DST: variants seen among roughly 807,000 people sequenced by gnomAD.
The protein encoded by DST is dystonin.
Under a neutral mutation model 875.2 loss-of-function variants are expected in DST, and 253 were observed. The observed-to-expected ratio is 0.29, with a 90% confidence interval of 0.26 to 0.32. DST has a LOEUF of 0.32. DST is among the 10% of genes least tolerant of loss of function. The probability of loss-of-function intolerance (pLI) is 1.00; values close to 1 mark genes in which losing one functional copy is unlikely to be tolerated. For missense variants in DST, 8,287 were observed against 9,111.6 expected (o/e 0.91, Z 3.68); for synonymous variants, 3,124 against 3,197.1 (o/e 0.98, Z 0.77).
chr6:56,492,191 T>C (rs780952390), intron 85 of DST, 36 bp downstream of exon 85: 1 of 1,568,496 alleles, frequency 6.4e-7, no homozygotes, highest in Non-Finnish European at 8.8e-7. Context: ...AGTGGTTTAT[T>C]GACAAGTTCA....
intron 49 of DST, among the ~76,000 whole-genome samples, chr6:56,588,886 G>C (rs2098215852): frequency 6.6e-6 from 1 of 152,006 alleles, no homozygotes; most frequent in Non-Finnish European, 1.5e-5. Flanking sequence ...CATCAGAGTG[G>C]ATCTGTTTGA....
intron 74 of DST, 134 bp from the exon 75 acceptor site, chr6:56,508,889 C>A (rs1300707180): frequency 3.0e-6 from 2 of 668,750 alleles, no homozygotes; most frequent in East Asian, 5.5e-5. Flanking sequence ...TTTGAATGAC[C>A]CCAGTCCAGT....
rs4568454 is a variant in DST at position 56,823,660 on chromosome 6, C to T, written c.625+27737G>A. Among the ~76,000 whole-genome samples, 2,203 of 152,248 alleles carry T rather than the reference C, an allele frequency of 0.014. 130 individuals are homozygous for T. In the East Asian group the frequency reaches 0.2, roughly 14 times the overall value. ...TCTTGACCTTGTGATCCGCCCACCT[C>T]GGCCTTCCAAAGTGCTGGGATTACA... On this transcript the variant is annotated intron_variant, in intron 4 of 103. Coordinates refer to ENST00000680361, the MANE Select transcript of DST (RefSeq NM_001374736.1).
At chr6:56,812,263 T>C (rs532476125) in intron 4 of DST, among the ~76,000 whole-genome samples, 1 of 152,284 alleles carries the variant, frequency 6.6e-6, no homozygotes, top group African/African-American at 2.4e-5. Flanking sequence ...ATCAGGCTTT[T>C]CTTGTTGTTT....
intron 55 of DST, 142 bp from the exon 56 acceptor site, chr6:56,562,342 A>G (rs2097549262): frequency 2.1e-6 from 1 of 478,932 alleles, no homozygotes; most frequent in Non-Finnish European, 3.6e-6. Flanking sequence ...AAGGTCCAAA[A>G]TGTAAATATC....
chr6:56,607,378 T>G lies in DST; in HGVS notation c.7250A>C (p.Glu2417Ala), dbSNP rs774817289. 3.7e-6 allele frequency: 6 copies of G among 1,612,782 alleles called. No homozygotes were observed. The African/African-American group carries it at 8.0e-5, about 22-fold the overall frequency. Residue 2417 changes from glutamate (E) to alanine (A), a missense_variant, in exon 40 of 104, where the codon GAG becomes GCG. By Grantham distance (107) the Glu-to-Ala change is moderately radical. Transcript: ENST00000680361. ...ATCCCTGTTTGTATTATCTTCATTC[T>G]CTGTTTCATTCACACCACAGAATTT... ...MSKFCGVNETENEDNTNRDSP... is the reference protein window; with the variant it reads ...MSKFCGVNETANEDNTNRDSP...
chr6:56,726,062 T>C (rs1299533961), intron 5 of DST, among the ~76,000 whole-genome samples: 1 of 152,234 alleles, frequency 6.6e-6, no homozygotes, highest in Admixed American at 6.5e-5. Context: ...TCAACACTTT[T>C]GGAAATACGC....
intron 5 of DST, among the ~76,000 whole-genome samples, chr6:56,712,895 C>A (rs899086373): frequency 9.2e-5 from 14 of 152,102 alleles, no homozygotes; most frequent in Admixed American, 3.3e-4. Flanking sequence ...TCTCTTGTAA[C>A]GTTATACCAA....
intron 5 of DST, among the ~76,000 whole-genome samples, chr6:56,713,944 C>T (rs533528423): frequency 1.3e-3 from 201 of 152,318 alleles, no homozygotes; most frequent in African/African-American, 4.5e-3. Flanking sequence ...CAACTGGTTG[C>T]ATCCTCTTCA....
intron 9 of DST, among the ~76,000 whole-genome samples, chr6:56,688,633 G>A (rs1405876498): frequency 2.0e-5 from 3 of 152,126 alleles, no homozygotes; most frequent in Non-Finnish European, 4.4e-5. Flanking sequence ...GAACAGAAAT[G>A]CAGTTCAATT....
intron 75 of DST, 74 bp from the exon 76 acceptor site, chr6:56,506,863 T>C: frequency 7.2e-7 from 1 of 1,394,250 alleles, no homozygotes; most frequent in East Asian, 2.4e-5. Context: ...CACAACAATA[T>C]CAATGGTAGT....
intron 87 of DST, among the ~76,000 whole-genome samples, chr6:56,486,187 C>A (rs2095554951): frequency 6.6e-6 from 1 of 151,586 alleles, no homozygotes. Flanking sequence ...AACGGTGAAA[C>A]CCCGTCTCTA....
At chr6:56,730,464 T>C (rs556240851) in intron 5 of DST, among the ~76,000 whole-genome samples, 68 of 152,154 alleles carry the variant, frequency 4.5e-4, no homozygotes, top group African/African-American at 1.6e-3. Flanking sequence ...AGACAGCAAA[T>C]TGCACATGAT....
rs746152878 is a variant in DST, at chr6:56,617,026, T to C, written c.4930-2542A>G. 5 of 1,613,122 alleles carry C rather than the reference T, an allele frequency of 3.1e-6. No homozygotes were observed. Among genetic ancestry groups the C allele is most frequent in the Non-Finnish European group, 4.2e-6 (5 of 1,179,542 alleles). The stretch of plus-strand genomic sequence containing the variant: ...CTGAGGCAAATGAAATCTTTTCTTT[T>C]GTAGATTCTAGGTAAAGCCCTGCAA... On this transcript the variant is annotated intron_variant, in intron 36 of 103. Coordinates refer to ENST00000680361, the MANE Select transcript of DST (RefSeq NM_001374736.1).
At chr6:56,744,952 C>A (rs1390389428) in intron 4 of DST, among the ~76,000 whole-genome samples, 2 of 152,158 alleles carry the variant, frequency 1.3e-5, no homozygotes, top group Non-Finnish European at 1.5e-5. Flanking sequence ...AGACGTACAA[C>A]TGATGTTCAT....
intron 71 of DST, among the ~76,000 whole-genome samples, 199 bp downstream of exon 71, chr6:56,516,999 T>C (rs1051417964): frequency 2.0e-5 from 3 of 152,212 alleles, no homozygotes; most frequent in Non-Finnish European, 2.9e-5. Flanking sequence ...TTCAAAAAGA[T>C]TGTCCTCATA....
At chr6:56,843,573 C>CGGGCCG (rs1161219283) in intron 4 of DST, 10 of 983,888 alleles carry the variant, frequency 1.0e-5, no homozygotes, top group Non-Finnish European at 1.2e-5. Flanking sequence ...TGCTTCGGGC[C>CGGGCCG]GGGCCGAGGC....
In DST at chr6:56,639,935, G is replaced by T; in HGVS notation, c.2613C>A (p.Ile871=). 6.2e-7 allele frequency: 1 copy of T among 1,612,062 alleles called. No homozygotes were observed. The highest frequency in any genetic ancestry group is 1.1e-5 in the South Asian group (1 of 90,962). ...EFESSLKEAK[I]SEIQMTAPLK... ...AAATTTTAAATTCACATACCTCACT[G>T]ATTTTAGCTTCTTTGAGACTAGATT... The change falls in exon 19 of 104, where the codon ATC becomes ATA. Residue 871 remains isoleucine, a synonymous_variant. Transcript: ENST00000680361.
At chr6:56,741,508 G>T (rs1298455766) in intron 4 of DST, among the ~76,000 whole-genome samples, 3 of 152,224 alleles carry the variant, frequency 2.0e-5, no homozygotes, top group Non-Finnish European at 4.4e-5. Flanking sequence ...AATGAGAAAA[G>T]AGTTAATGTG....
Sources: allele counts gnomAD v4.1 joint callset (sites outside exome capture counted in the v4.1 genomes callset), GRCh38; gene constraint gnomAD v4.1.1; transcripts MANE v1.5; gene names NCBI Gene and HGNC (gene_info 2026-07-23, HGNC 2026-07-21).